Variants in MRM3 observed in about 807,000 individuals in gnomAD.
The protein encoded by MRM3 is rRNA methyltransferase 3, mitochondrial.
MRM3 carries 26 observed loss-of-function variants against 29.4 expected under a neutral mutation model. The observed-to-expected ratio is 0.89, with a 90% CI of 0.65 to 1.23. The LOEUF (loss-of-function observed/expected upper bound fraction) is 1.23, where lower values mean the gene tolerates loss of function less well. MRM3 is among the 50% of genes most tolerant of loss of function. The pLI, the probability that MRM3 is intolerant of heterozygous loss-of-function variation, is 0.00. For synonymous variants in MRM3, 225 were observed against 219.0 expected (o/e 1.03, Z -0.24); for missense variants, 578 against 540.2 (o/e 1.07, Z -0.69).
Position 782,424 on chromosome 17 carries a change from C to T in MRM3, c.46C>T (p.Leu16=). 1 of 1,613,996 alleles carries T rather than the reference C, an allele frequency of 6.2e-7. No individual in the cohort carries two copies. The stretch of plus-strand genomic sequence containing the variant: ...CGCGAGGTTTGTCGTGCGACCGTTG[C>T]TGCAGGTGGTCCAGGCTTGGGACCT... ...RPARFVVRPL[L]QVVQAWDLDA... is the part of the protein sequence containing the mutation. Residue 16 remains leucine (L), a synonymous_variant, in exon 1 of 4, where the codon CTG becomes TTG. Coordinates refer to ENST00000304478, the MANE Select transcript of MRM3 (RefSeq NM_018146.4).
chr17:788,725 G>A (rs1349916198), intron 3 of MRM3, among the ~76,000 whole-genome samples: 1 of 151,926 alleles, frequency 6.6e-6, no homozygotes, highest in East Asian at 1.9e-4. Context: ...GGAATGACAG[G>A]CATGAATAAC....
rs1474970731 is a variant in MRM3 at position 791,688 on chromosome 17, C to G, written c.882C>G (p.Ala294=). 3 of 1,614,152 alleles carry G rather than the reference C, an allele frequency of 1.9e-6. No individual in the cohort carries two copies. In the South Asian group the frequency reaches 3.3e-5, roughly 18 times the overall value. The change falls in exon 4 of 4, where the codon GCC becomes GCG. Residue 294 remains alanine, a synonymous_variant. Coordinates refer to ENST00000304478, the MANE Select transcript of MRM3 (RefSeq NM_018146.4). ...TGGCTGACAACTGTGGCCTTTATGC[C>G]CAGGCTGAGATGTCTAATAAAGCTA... ...VYVADNCGLY[A]QAEMSNKASD...
Position 783,256 on chromosome 17 carries a change from T to G in MRM3, c.488T>G (p.Val163Gly), listed in dbSNP as rs1343857181. ...TTGCCAGTCGATAAGCTGAAAGGTG[T>G]CAGCCTCATTAAGGTGAAATTTGAG... ...KELPVDKLKG[V>G]SLIKVKFEDI... Residue 163 changes from valine (V) to glycine (G), a missense_variant, in exon 2 of 4, where the codon GTC becomes GGC. Transcript: ENST00000304478. The G allele has an allele frequency of 9.9e-6, 16 of 1,614,056 alleles. No homozygotes were observed. The highest frequency in any genetic ancestry group is 1.4e-5 in the Non-Finnish European group (16 of 1,179,986).
chr17:783,291 G>T lies in MRM3; in HGVS notation c.523G>T (p.Asp175Tyr), dbSNP rs1248301452. The T allele has an allele frequency of 6.2e-7, 1 of 1,613,772 alleles. No individual in the cohort carries two copies. The highest frequency in any genetic ancestry group is 1.1e-5 in the South Asian group (1 of 91,068). The change falls in exon 2 of 4, where the codon GAT becomes TAT. Residue 175 changes from aspartate to tyrosine, a missense_variant. By Grantham distance (160) the Asp-to-Tyr change is radical. Coordinates refer to ENST00000304478, the MANE Select transcript of MRM3 (RefSeq NM_018146.4). ...LIKVKFEDIK[D>Y]WSDLVTPQGI... ...TAAGGTGAAATTTGAGGATATCAAG[G>T]ATTGGTCCGACCTCGTAACGCCACA...
chr17:783,828 G>A (rs908607420), intron 2 of MRM3, among the ~76,000 whole-genome samples: 1 of 152,116 alleles, frequency 6.6e-6, no homozygotes, highest in African/African-American at 2.4e-5. Flanking sequence ...GCTCTTTATG[G>A]TCTCTAGGAA....
chr17:792,066 C>T lies in MRM3; in HGVS notation c.1260C>T (p.His420=), dbSNP rs771051569. The T allele has an allele frequency of 1.3e-6, 2 of 1,591,244 alleles. No individual in the cohort carries two copies. The highest frequency in any genetic ancestry group is 1.7e-6 in the Non-Finnish European group (2 of 1,166,816). The change falls in exon 4 of 4, where the codon CAC becomes CAT. Residue 420 remains histidine (H), a synonymous_variant. Transcript: ENST00000304478. ...AEDLSRDRSY[H] Reference sequence around the variant, plus strand: ...ACTTGAGCAGGGACAGGAGTTACCACTGAGGACGCAGAAGTGACTTCTGCT... The same window carrying T: ...ACTTGAGCAGGGACAGGAGTTACCATTGAGGACGCAGAAGTGACTTCTGCT...
At chr17:786,148 C>T (rs545083756) in intron 2 of MRM3, among the ~76,000 whole-genome samples, 8 of 152,302 alleles carry the variant, frequency 5.3e-5, no homozygotes, top group South Asian at 2.1e-4. Context: ...TTGCCCAGGC[C>T]GGAATGCAGT....
chr17:783,104 G>A lies in MRM3; in HGVS notation c.336G>A (p.Lys112=), dbSNP rs376897980. The A allele has an allele frequency of 1.2e-6, 2 of 1,613,242 alleles. No individual in the cohort carries two copies. The highest frequency in any genetic ancestry group is 2.7e-5 in the African/African-American group (2 of 74,740). ...RRLSSVMTIV[K]SRPFREKQGK... ...ACAGCAGTGTAATGACAATAGTAAA[G>A]TCCAGGCCATTTCGGGAAAAACAAG... Residue 112 remains lysine (K), a synonymous_variant, in exon 2 of 4, where the codon AAG becomes AAA. Coordinates refer to ENST00000304478, the MANE Select transcript of MRM3 (RefSeq NM_018146.4).
chr17:784,648 T>TA (rs1910448111), intron 2 of MRM3, among the ~76,000 whole-genome samples: 1 of 152,204 alleles, frequency 6.6e-6, no homozygotes, highest in Non-Finnish European at 1.5e-5. Context: ...ATCCTTATGT[T>TA]ACTATATTTT....
intron 1 of MRM3, 75 bp from the exon 2 acceptor site, chr17:783,008 C>T (rs996427054): frequency 2.0e-6 from 3 of 1,528,620 alleles, no homozygotes; most frequent in African/African-American, 1.4e-5. Context: ...CTCTTTATTT[C>T]TGTTACAACT....
At position 791,561 on chromosome 17, in the gene MRM3, TGCTCCGG is replaced by T. The variant is rs768700960; in HGVS notation, c.758_764del (p.Leu253ArgfsTer59). Reference sequence around the variant, plus strand: ...TGTGTGGATGCCTGGGAGCCCAAAGTGCTCCGGGCGGGTATGGGCGCACATTTCCGGA... The same window carrying T: ...TGTGTGGATGCCTGGGAGCCCAAAGTGCGGGTATGGGCGCACATTTCCGGA... On this transcript the variant is annotated frameshift_variant, in exon 4 of 4. Transcript: ENST00000304478. LOFTEE classifies it high-confidence loss of function. 2 of 1,613,810 alleles carry T rather than the reference TGCTCCGG, an allele frequency of 1.2e-6. No individual in the cohort carries two copies. The highest frequency in any genetic ancestry group is 8.5e-7 in the Non-Finnish European group (1 of 1,179,728).
chr17:783,429 C>T (rs1910338514), intron 2 of MRM3, 102 bp downstream of exon 2: 2 of 1,200,456 alleles, frequency 1.7e-6, no homozygotes, highest in South Asian at 1.6e-5. Flanking sequence ...CTCCGCCTCT[C>T]GGGTTCAAGG....
chr17:791,259 G>C (rs1465182220), intron 3 of MRM3, among the ~76,000 whole-genome samples: 1 of 152,136 alleles, frequency 6.6e-6, no homozygotes, highest in Non-Finnish European at 1.5e-5. Context: ...TGGGGTTGGG[G>C]ACTTTCATTA....
At position 782,398 on chromosome 17, in the gene MRM3, C is replaced by T. The variant is rs377626982; in HGVS notation, c.20C>T (p.Pro7Leu). The change falls in exon 1 of 4, where the codon CCC becomes CTC. Residue 7 changes from proline (P) to leucine (L), a missense_variant. Transcript: ENST00000304478. The stretch of plus-strand genomic sequence containing the variant: ...GGGAACATGGCGGCGCTGGTGAGAC[C>T]CGCGAGGTTTGTCGTGCGACCGTTG... The part of the protein sequence containing the change: MAALVR[P>L]ARFVVRPLLQ... 37 of 1,613,756 alleles carry T rather than the reference C, an allele frequency of 2.3e-5. No homozygotes were observed. The highest frequency in any genetic ancestry group is 1.9e-4 in the African/African-American group (14 of 75,064).
intron 2 of MRM3, among the ~76,000 whole-genome samples, chr17:784,479 G>T (rs1487961610): frequency 6.6e-6 from 1 of 151,658 alleles, no homozygotes; most frequent in African/African-American, 2.4e-5. Flanking sequence ...GCTCACAGTG[G>T]CCAGCCCATC....
chr17:789,055 G>A (rs770489417), intron 3 of MRM3, among the ~76,000 whole-genome samples: 2 of 152,108 alleles, frequency 1.3e-5, no homozygotes, highest in Non-Finnish European at 2.9e-5. Context: ...GAACTCCTAA[G>A]CTCAAGGGAT....
chr17:790,997 C>A (rs972980386), intron 3 of MRM3, among the ~76,000 whole-genome samples: 1 of 151,626 alleles, frequency 6.6e-6, no homozygotes, highest in Non-Finnish European at 1.5e-5. Context: ...ACCTCCTGTG[C>A]CGCCACAGCG....
Position 787,101 on chromosome 17 carries a change from G to T in MRM3, c.560-864G>T, listed in dbSNP as rs575286818. Reference sequence around the variant, plus strand: ...CTATTAAAAATACAAAAAATTAGCCGGGTGTGGTTGCGGGTGCCTGTAATC... The same window carrying T: ...CTATTAAAAATACAAAAAATTAGCCTGGTGTGGTTGCGGGTGCCTGTAATC... On this transcript the variant is annotated intron_variant, in intron 2 of 3. Coordinates refer to ENST00000304478, the MANE Select transcript of MRM3 (RefSeq NM_018146.4). This position sits in a 1 kb window ranked among gnomAD's most constrained non-coding sequence, Gnocchi z 4.1. Among the ~76,000 whole-genome samples the T allele has an allele frequency of 4.6e-5, 7 of 152,054 alleles. No individual in the cohort carries two copies. The highest frequency in any genetic ancestry group is 1.0e-4 in the Non-Finnish European group (7 of 68,020).
chr17:784,024 C>T (rs1910411566), intron 2 of MRM3, among the ~76,000 whole-genome samples: 1 of 152,180 alleles, frequency 6.6e-6, no homozygotes, highest in Non-Finnish European at 1.5e-5. Flanking sequence ...GAGGTACAAG[C>T]CACAATTTAC....
Sources: gnomAD v4.1 joint callset for allele counts (sites outside exome capture counted in the v4.1 genomes callset) on GRCh38, gnomAD v4.1.1 for gene constraint, Gnocchi (gnomAD v3.1) non-coding constraint, MANE v1.5 for transcripts, NCBI Gene and HGNC (gene_info 2026-07-23, HGNC 2026-07-21) for gene names.